Variants in DAB1 observed in about 807,000 individuals in gnomAD.
DAB1 encodes the protein disabled homolog 1.
DAB1 carries 15 observed loss-of-function variants against 64.6 expected under a neutral mutation model. That is an observed-to-expected ratio of 0.23 (90% CI 0.16 to 0.36). DAB1 has a LOEUF of 0.36. DAB1 is among the 10% of genes least tolerant of loss of function. The pLI, the probability that DAB1 is intolerant of heterozygous loss-of-function variation, is 1.00. For synonymous variants in DAB1, 235 were observed against 251.9 expected (o/e 0.93, Z 0.64); for missense variants, 596 against 706.7 (o/e 0.84, Z 1.78).
chr1:57,874,353 G>A (rs1644007491), intron 1 of DAB1: 1 of 152,108 alleles, frequency 6.6e-6, no homozygotes, highest in African/African-American at 2.4e-5. Context: ...GGTGAGGCAG[G>A]GCTCCAACCA....
At chr1:58,016,247 C>T (rs984019452) in intron 5 of DAB1, among the ~76,000 whole-genome samples, 3 of 152,286 alleles carry the variant, frequency 2.0e-5, no homozygotes, top group Middle Eastern at 6.8e-3. Flanking sequence ...TGCCCTTGGA[C>T]ATGAAAACAG....
chr1:57,060,887 A>G (rs1426378385), intron 9 of DAB1, among the ~76,000 whole-genome samples: 1 of 151,888 alleles, frequency 6.6e-6, no homozygotes, highest in Non-Finnish European at 1.5e-5. Context: ...TGGTGTGGCC[A>G]GAATCATTAA....
intron 1 of DAB1, chr1:58,534,137 C>T (rs374696971): frequency 3.3e-5 from 29 of 867,770 alleles, no homozygotes; most frequent in Non-Finnish European, 5.6e-5. Flanking sequence ...AATTACAATG[C>T]GTTTGAGAAC....
At chr1:57,788,883 G>A (rs552370424) in intron 6 of DAB1, among the ~76,000 whole-genome samples, 3 of 152,214 alleles carry the variant, frequency 2.0e-5, no homozygotes, top group African/African-American at 7.2e-5. Context: ...TCATATCTAA[G>A]AGCTGCCACC....
At chr1:57,795,733 A>C (rs952528582) in intron 6 of DAB1, among the ~76,000 whole-genome samples, 144 of 113,346 alleles carry the variant, frequency 1.3e-3, no homozygotes, top group Non-Finnish European at 2.4e-3. Context: ...ATATATATAT[A>C]TCATACACAT....
At chr1:58,018,164 T>A (rs1000985889) in intron 5 of DAB1, among the ~76,000 whole-genome samples, 2 of 152,002 alleles carry the variant, frequency 1.3e-5, no homozygotes, top group African/African-American at 4.8e-5. Flanking sequence ...TCACTCTCTC[T>A]GCTTCTATCT....
intron 5 of DAB1, among the ~76,000 whole-genome samples, chr1:57,905,227 C>G (rs968508166): frequency 6.6e-6 from 1 of 151,784 alleles, no homozygotes; most frequent in Non-Finnish European, 1.5e-5. Flanking sequence ...TTGCATTAAA[C>G]CCCTCTGCTC....
At chr1:57,474,647 T>C (rs1043011410) in intron 7 of DAB1, among the ~76,000 whole-genome samples, 5 of 152,174 alleles carry the variant, frequency 3.3e-5, no homozygotes, top group Admixed American at 3.3e-4. Flanking sequence ...AAAGTGTCAA[T>C]ATTATGTTTA....
intron 5 of DAB1, among the ~76,000 whole-genome samples, chr1:57,891,850 T>C (rs1644319678): frequency 6.7e-6 from 1 of 150,092 alleles, no homozygotes; most frequent in South Asian, 2.1e-4. Flanking sequence ...TGTCAGGGGG[T>C]GGGGTCTAGG....
At chr1:57,380,522 C>G (rs187111665) in intron 1 of DAB1, among the ~76,000 whole-genome samples, 1 of 152,020 alleles carries the variant, frequency 6.6e-6, no homozygotes, top group Admixed American at 6.6e-5. Flanking sequence ...CAGCTTAGGA[C>G]GAAGCCTGGA....
rs973935757 is a variant in DAB1 at position 58,536,815 on chromosome 1, T to C, written n.33-9480A>G. 17 of 760,972 alleles carry C rather than the reference T, an allele frequency of 2.2e-5. No homozygotes were observed. The Admixed American group carries it at 3.8e-4, about 17-fold the overall frequency. 47.1% of individuals were successfully genotyped at this position (760,972 alleles called of 1,614,324 possible). On this transcript the variant is annotated intron_variant and non_coding_transcript_variant, in intron 1 of 20. Coordinates refer to the DAB1 transcript ENST00000485760. Reference sequence around the variant, plus strand: ...ATCACTAAAGCTCAAATGCATACACTAGAATTTTACGTCCTCAAATACCTG... The same window carrying C: ...ATCACTAAAGCTCAAATGCATACACCAGAATTTTACGTCCTCAAATACCTG...
At chr1:57,422,544 C>T (rs1329419280) in intron 1 of DAB1, among the ~76,000 whole-genome samples, 1 of 152,202 alleles carries the variant, frequency 6.6e-6, no homozygotes, top group African/African-American at 2.4e-5. Context: ...GACACATACA[C>T]ACCGGAGCGC....
intron 4 of DAB1, among the ~76,000 whole-genome samples, chr1:58,286,164 CTT>C (rs1661676173): frequency 1.3e-5 from 2 of 152,110 alleles, no homozygotes; most frequent in African/African-American, 4.8e-5. Flanking sequence ...CAAAAATTAA[CTT>C]GAGATGGATT....
chr1:58,060,606 T>C (rs1238428819), intron 5 of DAB1, among the ~76,000 whole-genome samples: 2 of 152,178 alleles, frequency 1.3e-5, no homozygotes, highest in African/African-American at 4.8e-5. Context: ...CCTCTGTTGC[T>C]GCCCTTTCTG....
At chr1:57,078,038 G>A (rs915098813) in intron 4 of DAB1, among the ~76,000 whole-genome samples, 7 of 152,126 alleles carry the variant, frequency 4.6e-5, no homozygotes, top group Non-Finnish European at 7.4e-5. Context: ...GACAAAGGGA[G>A]GCCCAGGCTC....
intron 6 of DAB1, among the ~76,000 whole-genome samples, chr1:57,807,297 A>G (rs977276888): frequency 1.4e-4 from 21 of 152,124 alleles, no homozygotes; most frequent in African/African-American, 5.1e-4. Context: ...TGGTTTGATC[A>G]ATTGAATAGG....
chr1:58,317,390 A>G (rs1662582278), intron 4 of DAB1, among the ~76,000 whole-genome samples: 1 of 152,250 alleles, frequency 6.6e-6, no homozygotes, highest in African/African-American at 2.4e-5. Context: ...AGGGAGCTTG[A>G]AAAAGGGAGA....
intron 6 of DAB1, among the ~76,000 whole-genome samples, chr1:57,785,789 T>C (rs1650310659): frequency 1.3e-5 from 2 of 152,310 alleles, no homozygotes; most frequent in South Asian, 2.1e-4. Flanking sequence ...ATTGTTGAAA[T>C]GATAGCAGAG....
At chr1:57,664,025 A>G (rs1646417823) in intron 6 of DAB1, among the ~76,000 whole-genome samples, 1 of 152,222 alleles carries the variant, frequency 6.6e-6, no homozygotes, top group Admixed American at 6.5e-5. Flanking sequence ...AACAGATCTC[A>G]GTTCTGCAAC....
Sources: allele counts gnomAD v4.1 joint callset (sites outside exome capture counted in the v4.1 genomes callset), GRCh38; gene constraint gnomAD v4.1.1; transcripts MANE v1.5; gene names NCBI Gene and HGNC (gene_info 2026-07-23, HGNC 2026-07-21).